Variants in SPAG16 observed in about 807,000 individuals in gnomAD.
SPAG16 encodes sperm-associated antigen 16 protein.
Under a neutral mutation model 80.4 loss-of-function variants are expected in SPAG16, and 86 were observed. That is an observed-to-expected ratio of 1.07 (90% CI 0.90 to 1.28). The LOEUF is 1.28. Ranked by LOEUF, SPAG16 falls within the 50% of genes most tolerant of loss-of-function variation. SPAG16 has a pLI of 0.00. For missense variants in SPAG16, 870 were observed against 765.3 expected, an observed-to-expected ratio of 1.14 and a Z score of -1.61; for synonymous variants, 294 against 265.9, an observed-to-expected ratio of 1.11 and a Z score of -1.03.
intron 9 of SPAG16, among the ~76,000 whole-genome samples, chr2:213,425,003 A>T (rs339808): frequency 0.026 from 3,904 of 152,338 alleles, 164 homozygotes; most frequent in African/African-American, 0.088. Flanking sequence ...AATAAGGGAT[A>T]TACTCAAAGT....
chr2:214,148,321 C>T (rs2055764909), intron 14 of SPAG16, among the ~76,000 whole-genome samples: 1 of 152,072 alleles, frequency 6.6e-6, no homozygotes, highest in African/African-American at 2.4e-5. Flanking sequence ...TGTAGACAGA[C>T]CCTGGGCTCC....
intron 10 of SPAG16, among the ~76,000 whole-genome samples, chr2:213,532,751 G>A (rs534530714): frequency 2.6e-5 from 4 of 152,148 alleles, no homozygotes; most frequent in East Asian, 1.9e-4. Context: ...ATGAGCCATC[G>A]CACTCAGCTG....
intron 15 of SPAG16, among the ~76,000 whole-genome samples, chr2:214,184,585 T>C (rs2125679490): frequency 6.6e-6 from 1 of 152,148 alleles, no homozygotes; most frequent in South Asian, 2.1e-4. Context: ...ACCTGTGCAT[T>C]ACTTAAGGGG....
chr2:213,976,190 A>G (rs147644800), intron 12 of SPAG16, among the ~76,000 whole-genome samples: 112 of 149,376 alleles, frequency 7.5e-4, no homozygotes, highest in East Asian at 2.2e-3. Flanking sequence ...GTATGTGCGT[A>G]TGTGTATATA....
intron 12 of SPAG16, among the ~76,000 whole-genome samples, chr2:213,952,752 G>A (rs1478920288): frequency 6.6e-6 from 1 of 152,024 alleles, no homozygotes; most frequent in Non-Finnish European, 1.5e-5. Context: ...ACTGTCCATC[G>A]TAGATCCCCT....
At chr2:214,370,161 G>A (rs1699721498) in intron 15 of SPAG16, among the ~76,000 whole-genome samples, 3 of 151,918 alleles carry the variant, frequency 2.0e-5, no homozygotes, top group East Asian at 1.9e-4. Flanking sequence ...GAGTAACCTT[G>A]TTTATCCATC....
intron 10 of SPAG16, among the ~76,000 whole-genome samples, chr2:213,557,587 TA>T (rs1400843148): frequency 7.9e-5 from 12 of 152,058 alleles, no homozygotes; most frequent in African/African-American, 2.9e-4. Flanking sequence ...AATGGTAAAA[TA>T]AAAAGCAGTA....
chr2:213,386,958 A>G (rs1205347469), intron 9 of SPAG16, among the ~76,000 whole-genome samples: 2 of 152,214 alleles, frequency 1.3e-5, no homozygotes, highest in Non-Finnish European at 2.9e-5. Flanking sequence ...AGTCAAAATT[A>G]AGAGAAAAAA....
chr2:213,600,446 A>C lies in SPAG16; in HGVS notation c.1070+110356A>C, dbSNP rs1243655582. 2.0e-5 allele frequency among the ~76,000 whole-genome samples: 3 copies of C among 152,180 alleles called. No homozygotes were observed. The East Asian group carries it at 5.8e-4, about 29-fold the overall frequency. On this transcript the variant is annotated intron_variant, in intron 10 of 15. Coordinates refer to ENST00000331683, the MANE Select transcript of SPAG16 (RefSeq NM_024532.5). ...TGCCTCATTGATATGAAGGTTTTGG[A>C]TTCCATATATTTGCTTAACAAATGT...
At chr2:214,093,557 T>G (rs1476511505) in intron 13 of SPAG16, among the ~76,000 whole-genome samples, 1 of 152,018 alleles carries the variant, frequency 6.6e-6, no homozygotes, top group East Asian at 1.9e-4. Flanking sequence ...GTATGTATCT[T>G]TGTGTGTATG....
At chr2:214,255,610 T>A (rs938636631) in intron 15 of SPAG16, among the ~76,000 whole-genome samples, 4 of 151,952 alleles carry the variant, frequency 2.6e-5, no homozygotes, top group African/African-American at 9.7e-5. Flanking sequence ...CTACCAGATA[T>A]GGAATGTTAT....
chr2:213,584,581 A>G (rs1438941521), intron 10 of SPAG16, among the ~76,000 whole-genome samples: 1 of 151,972 alleles, frequency 6.6e-6, no homozygotes, highest in East Asian at 1.9e-4. Context: ...GGAAAGAAAA[A>G]GAAATAAAGG....
At chr2:213,744,286 G>C (rs975940664) in intron 10 of SPAG16, among the ~76,000 whole-genome samples, 4 of 152,140 alleles carry the variant, frequency 2.6e-5, no homozygotes, top group African/African-American at 9.7e-5. Flanking sequence ...TGAGGATACA[G>C]TTATATAATT....
At chr2:214,129,803 T>A (rs7419885) in intron 14 of SPAG16, among the ~76,000 whole-genome samples, 43,446 of 151,932 alleles carry the variant, frequency 0.29, 6,517 homozygotes, top group East Asian at 0.46. Flanking sequence ...ATTTTCCTTT[T>A]GAAATTGAGA....
At chr2:214,303,633 T>C (rs1239919744) in intron 15 of SPAG16, among the ~76,000 whole-genome samples, 1 of 152,196 alleles carries the variant, frequency 6.6e-6, no homozygotes, top group Non-Finnish European at 1.5e-5. Context: ...CTTCCAAGTG[T>C]CCTCTGAATT....
rs1397349 is a variant in SPAG16 at position 213,936,753 on chromosome 2, G to T, written c.1400+6608G>T. ...AAGGCTTTTCCAACCAGGTGTATCA[G>T]CTGGTGATCCAGAAGCCATGACAGA... On this transcript the variant is annotated intron_variant, in intron 12 of 15. Coordinates refer to ENST00000331683, the MANE Select transcript of SPAG16 (RefSeq NM_024532.5). Among the ~76,000 whole-genome samples, 9 of 152,148 alleles carry T rather than the reference G, an allele frequency of 5.9e-5. 1 individual carries two copies. The highest frequency in any genetic ancestry group is 1.3e-4 in the Non-Finnish European group (9 of 68,028).
chr2:214,251,009 A>G (rs1690253476), intron 15 of SPAG16, among the ~76,000 whole-genome samples: 1 of 151,774 alleles, frequency 6.6e-6, no homozygotes, highest in Admixed American at 6.6e-5. Context: ...TCTATCTAAT[A>G]TGCACATAAA....
intron 13 of SPAG16, among the ~76,000 whole-genome samples, chr2:214,103,942 A>C (rs1254117081): frequency 7.5e-6 from 1 of 133,610 alleles, no homozygotes; most frequent in East Asian, 1.9e-4. Flanking sequence ...AGAGAGGGAA[A>C]CAGAGAGAGA....
At chr2:213,636,131 G>A (rs781355969) in intron 10 of SPAG16, among the ~76,000 whole-genome samples, 1 of 152,110 alleles carries the variant, frequency 6.6e-6, no homozygotes, top group African/African-American at 2.4e-5. Context: ...TTTGTATAAG[G>A]TGAGAGATGA....
Sources: allele counts gnomAD v4.1 joint callset (sites outside exome capture counted in the v4.1 genomes callset), GRCh38; gene constraint gnomAD v4.1.1; transcripts MANE v1.5; gene names NCBI Gene and HGNC (gene_info 2026-07-23, HGNC 2026-07-21).